The following KLKB1 variants were observed in gnomAD, a reference collection of about 807,000 sequenced individuals.
KLKB1 encodes plasma kallikrein.
KLKB1 carries 58 observed loss-of-function variants against 73.6 expected under a neutral mutation model. The ratio of observed to expected loss-of-function variants is 0.79; its 90% CI spans 0.64 to 0.98. The LOEUF is 0.98. KLKB1 is among the 50% of genes least tolerant of loss of function. KLKB1 has a pLI of 0.00. For synonymous variants in KLKB1, 280 were observed against 258.1 expected, an observed-to-expected ratio of 1.08 and a Z score of -0.81; for missense variants, 737 against 763.8, an observed-to-expected ratio of 0.96 and a Z score of 0.41.
Position 186,236,817 on chromosome 4 carries a change from G to C in KLKB1, c.365G>C (p.Arg122Thr). 1 of 1,613,940 alleles carries C rather than the reference G, an allele frequency of 6.2e-7. No individual in the cohort carries two copies. The highest frequency in any genetic ancestry group is 8.5e-7 in the Non-Finnish European group (1 of 1,179,932). Reference sequence around the variant, plus strand: ...GACATTTATAAAGGAGTTGATATGAGAGGAGTCAATTTTAATGTGTCTAAG... The same window carrying C: ...GACATTTATAAAGGAGTTGATATGACAGGAGTCAATTTTAATGTGTCTAAG... Reference protein sequence around the residue: ...HRDIYKGVDMRGVNFNVSKVS... With the variant: ...HRDIYKGVDMTGVNFNVSKVS... Residue 122 changes from arginine to threonine, a missense_variant, in exon 5 of 15, where the codon AGA becomes ACA. Physicochemically the swap from Arg to Thr is moderately conservative, Grantham distance 71. Transcript: ENST00000264690.
intron 6 of KLKB1, among the ~76,000 whole-genome samples, chr4:186,249,145 C>G (rs970545367): frequency 6.6e-6 from 1 of 152,116 alleles, no homozygotes; most frequent in Admixed American, 6.6e-5. Flanking sequence ...TGATGGTGTT[C>G]TTTGAAGCAC....
upstream of KLKB1, among the ~76,000 whole-genome samples, chr4:186,226,840 G>T (rs1035358769): frequency 1.3e-5 from 2 of 152,160 alleles, no homozygotes; most frequent in Non-Finnish European, 2.9e-5. Flanking sequence ...TGGAGCCTGG[G>T]GTTGCTGGGG....
upstream of KLKB1, among the ~76,000 whole-genome samples, chr4:186,225,390 T>C (rs1034595918): frequency 6.6e-6 from 1 of 152,014 alleles, no homozygotes; most frequent in African/African-American, 2.4e-5. Flanking sequence ...TCTTGCTTCT[T>C]TGAAAATTCT....
At chr4:186,254,792 G>A (rs762719111) in intron 12 of KLKB1, 29 bp downstream of exon 12, 1 of 1,562,998 alleles carries the variant, frequency 6.4e-7, no homozygotes, top group East Asian at 2.2e-5. Context: ...AAGGTGGAGA[G>A]CAGAATTGCG....
In KLKB1 at chr4:186,238,455, G is replaced by T. The variant is rs963245849; in HGVS notation, c.598+90G>T. 7 of 892,776 alleles carry T rather than the reference G, an allele frequency of 7.8e-6. No individual in the cohort carries two copies. In the East Asian group the frequency reaches 1.7e-4, roughly 22 times the overall value. The allele number at this position is 892,776 out of a possible 1,614,324, so 55.3% of individuals were successfully genotyped here. A position where few individuals can be genotyped will look rare whatever the true frequency, so the allele number is the denominator to read the frequency against. ...CTGTGCTGAGCCCTGGGACCTGTGC[G>T]TGTGTTCCCATAGCTGGCAAAAGCG... On this transcript the variant is annotated intron_variant, in intron 6 of 14. Transcript: ENST00000264690.
At chr4:186,216,785 T>C (rs1736913635) in intron 2 of KLKB1, among the ~76,000 whole-genome samples, 1 of 152,208 alleles carries the variant, frequency 6.6e-6, no homozygotes, top group Non-Finnish European at 1.5e-5. Context: ...ACTTCCCTGC[T>C]GTCAATCCCT....
At chr4:186,215,003 T>C (rs1232349029) in intron 2 of KLKB1, among the ~76,000 whole-genome samples, 1 of 152,220 alleles carries the variant, frequency 6.6e-6, no homozygotes, top group East Asian at 1.9e-4. Flanking sequence ...TCTCTGCCTT[T>C]CCTGATACTA....
intron 2 of KLKB1, among the ~76,000 whole-genome samples, chr4:186,217,433 G>A (rs1200114211): frequency 6.6e-6 from 1 of 152,128 alleles, no homozygotes; most frequent in Non-Finnish European, 1.5e-5. Context: ...AGCACAACAT[G>A]CATATTTAAA....
Position 186,251,749 on chromosome 4 carries a change from G to A in KLKB1, c.1032G>A (p.Lys344=). The A allele has an allele frequency of 3.7e-6, 6 of 1,611,312 alleles. No individual in the cohort carries two copies. Among genetic ancestry groups the A allele is most frequent in the Non-Finnish European group, 5.1e-6 (6 of 1,177,476 alleles). The change falls in exon 10 of 15, where the codon AAG becomes AAA. Residue 344 remains lysine, a splice_region_variant and synonymous_variant. Transcript: ENST00000264690. ...SLLPEDCKEE[K]CKCFLRLSMD... ...TCTTTCTACTGTTCATTTCATCTAG[G>A]TGTAAGTGTTTCTTAAGATTATCTA...
In KLKB1 at chr4:186,258,077, C is replaced by T. The variant is rs749087707; in HGVS notation, c.1782C>T (p.Gly594=). Residue 594 remains glycine (G), a synonymous_variant, in exon 15 of 15, where the codon GGC becomes GGT. Coordinates refer to ENST00000264690, the MANE Select transcript of KLKB1 (RefSeq NM_000892.5). ...CKHNGMWRLV[G]ITSWGEGCAR... is the part of the protein sequence containing the mutation. ...ACAATGGAATGTGGCGTTTGGTGGGCATCACCAGCTGGGGTGAAGGCTGTG... is the reference window on the plus strand; with the variant it reads ...ACAATGGAATGTGGCGTTTGGTGGGTATCACCAGCTGGGGTGAAGGCTGTG... 1 of 1,614,096 alleles carries T rather than the reference C, an allele frequency of 6.2e-7. No homozygotes were observed. The highest frequency in any genetic ancestry group is 8.5e-7 in the Non-Finnish European group (1 of 1,179,988).
chr4:186,213,555 TAGA>T (rs1736797219), intron 2 of KLKB1: 2 of 152,310 alleles, frequency 1.3e-5, no homozygotes, highest in African/African-American at 4.8e-5. Context: ...AAGAATCAAC[TAGA>T]AGAAGTAGAA....
intron 2 of KLKB1, among the ~76,000 whole-genome samples, chr4:186,217,630 GT>G (rs1454183353): frequency 2.0e-5 from 3 of 152,214 alleles, no homozygotes; most frequent in African/African-American, 7.2e-5. Flanking sequence ...AGGAGATTTA[GT>G]GGGCAGGTCA....
intron 2 of KLKB1, among the ~76,000 whole-genome samples, chr4:186,217,305 T>C (rs1488781624): frequency 6.6e-6 from 1 of 152,094 alleles, no homozygotes; most frequent in Non-Finnish European, 1.5e-5. Flanking sequence ...TTGTTGTTGT[T>C]GTTCTTGTTT....
Position 186,220,203 on chromosome 4 carries a change from T to C in KLKB1, c.201+10931T>C, listed in dbSNP as rs10010249. ...ACTTCCACTTCTGCCCCTTGATTCC[T>C]AGACCTGTGAATCCTGGCTATGGGA... On this transcript the variant is annotated intron_variant, in intron 2 of 14. Transcript: ENST00000511608. Among the ~76,000 whole-genome samples, 651 of 152,254 alleles carry C rather than the reference T, an allele frequency of 4.3e-3. 3 individuals are homozygous for C. Among genetic ancestry groups the C allele is most frequent in the African/African-American group, 0.015 (618 of 41,538 alleles).
rs954296825 is a variant in KLKB1 at position 186,227,515 on chromosome 4, A to G, written c.-74A>G. The G allele has an allele frequency of 6.6e-6, 1 of 152,246 alleles. No individual in the cohort carries two copies. The highest frequency in any genetic ancestry group is 1.5e-5 in the Non-Finnish European group (1 of 68,068). 9.4% of individuals were successfully genotyped at this position (152,246 alleles called of 1,614,324 possible). On this transcript the variant is annotated 5_prime_UTR_variant, in exon 1 of 15. Coordinates refer to ENST00000264690, the MANE Select transcript of KLKB1 (RefSeq NM_000892.5). ...AGCAAAATATTGCCTGCAGTGCCAC[A>G]TTAGAACAGCTTGAAGACCGTTCAT...
chr4:186,213,878 G>A (rs1380749000), intron 2 of KLKB1, among the ~76,000 whole-genome samples: 1 of 152,048 alleles, frequency 6.6e-6, no homozygotes, highest in East Asian at 1.9e-4. Context: ...AGTCTGCGTG[G>A]GCACCCTCTT....
chr4:186,252,624 C>T (rs1405983237), intron 11 of KLKB1, among the ~76,000 whole-genome samples: 2 of 136,114 alleles, frequency 1.5e-5, no homozygotes, highest in South Asian at 2.4e-4. Context: ...CCGCCACCCA[C>T]GACCAATCCC....
intron 4 of KLKB1, 77 bp from the exon 5 acceptor site, chr4:186,236,704 C>A: frequency 1.4e-6 from 2 of 1,460,442 alleles, no homozygotes; most frequent in African/African-American, 1.4e-5. Flanking sequence ...AACTACCAAC[C>A]CAAATGGTAG....
Position 186,258,422 on chromosome 4 carries a change from A to C in KLKB1, c.*210A>C. On this transcript the variant is annotated 3_prime_UTR_variant, in exon 15 of 15. Coordinates refer to ENST00000264690, the MANE Select transcript of KLKB1 (RefSeq NM_000892.5). The stretch of plus-strand genomic sequence containing the variant: ...CCAGGGGCTGACAATGCGAGGTCGC[A>C]ACTGAGATCTCCATGACTGTGTGTT... The C allele has an allele frequency of 1.6e-6, 1 of 624,170 alleles. No homozygotes were observed. The allele number at this position is 624,170 out of a possible 1,614,324, so 38.7% of individuals were successfully genotyped here.
Sources: gnomAD v4.1 joint callset for allele counts (sites outside exome capture counted in the v4.1 genomes callset) on GRCh38, gnomAD v4.1.1 for gene constraint, MANE v1.5 for transcripts, NCBI Gene and HGNC (gene_info 2026-07-23, HGNC 2026-07-21) for gene names.